KLHDC10: variants seen among roughly 807,000 people sequenced by gnomAD.
KLHDC10 encodes kelch domain-containing protein 10.
In KLHDC10, 24 loss-of-function variants were observed where a neutral mutation model predicts 56.1. The ratio of observed to expected loss-of-function variants is 0.43; its 90% CI spans 0.31 to 0.60. KLHDC10 has a LOEUF of 0.60. Among genes scored for constraint, KLHDC10 ranks in the 20% least tolerant of loss-of-function variants. The pLI, the probability that KLHDC10 is intolerant of heterozygous loss-of-function variation, is 0.11. For missense variants in KLHDC10, 349 were observed against 567.0 expected (o/e 0.62, Z 3.91); for synonymous variants, 188 against 207.1 (o/e 0.91, Z 0.79).
At chr7:130,125,972 G>A (rs1440668588) in intron 7 of KLHDC10, 41 bp downstream of exon 7, 26 of 1,351,374 alleles carry the variant, frequency 1.9e-5, no homozygotes, top group Non-Finnish European at 2.4e-5. Flanking sequence ...TAACAAACAT[G>A]TATTATACTT....
In KLHDC10 at chr7:130,073,897, C is replaced by T. The variant is rs79683793; in HGVS notation, c.166+3088C>T. Among the ~76,000 whole-genome samples the T allele has an allele frequency of 1.1e-4, 16 of 152,242 alleles. No individual in the cohort carries two copies. In the East Asian group the frequency reaches 2.9e-3, roughly 28 times the overall value. On this transcript the variant is annotated intron_variant, in intron 1 of 9. Transcript: ENST00000335420. ...CCATAACTCCAATCCACGGTGCCAC[C>T]ATCCCTCACTTAGGTCTCCTGCAGG...
rs1796383511 is a variant in KLHDC10, at chr7:130,130,345, T to TAA, written c.1120-191_1120-190insAA. 1.3e-5 allele frequency among the ~76,000 whole-genome samples: 2 copies of TAA among 148,666 alleles called. No individual in the cohort carries two copies. Among genetic ancestry groups the TAA allele is most frequent in the African/African-American group, 5.0e-5 (2 of 40,296 alleles). Reference sequence around the variant, plus strand: ...TCAAAAAAAAAAAAAATCATATATATATATATATAGTTTTTCCCTTAGTAA... The same window carrying TAA: ...TCAAAAAAAAAAAAAATCATATATATAAATATATATAGTTTTTCCCTTAGTAA... On this transcript the variant is annotated intron_variant, in intron 9 of 9. Transcript: ENST00000335420. The surrounding 1 kb of genome is among the most constrained non-coding windows in gnomAD (Gnocchi z 4.2).
intron 2 of KLHDC10, among the ~76,000 whole-genome samples, chr7:130,107,285 C>T (rs1490300702): frequency 1.3e-5 from 2 of 152,094 alleles, no homozygotes; most frequent in African/African-American, 4.8e-5. Flanking sequence ...AAGAAGTACA[C>T]ATATTGGAAA....
chr7:130,115,998 C>T (rs1334897217), intron 2 of KLHDC10, among the ~76,000 whole-genome samples: 1 of 152,064 alleles, frequency 6.6e-6, no homozygotes, highest in Non-Finnish European at 1.5e-5. Flanking sequence ...TTATACATGA[C>T]TCATTCATAT....
intron 2 of KLHDC10, among the ~76,000 whole-genome samples, chr7:130,101,639 G>C (rs1457731392): frequency 6.6e-6 from 1 of 152,094 alleles, no homozygotes; most frequent in Non-Finnish European, 1.5e-5. Flanking sequence ...GATTTGCCTT[G>C]GGGAGGATTG....
chr7:130,109,798 G>A (rs1034806477), intron 2 of KLHDC10, among the ~76,000 whole-genome samples: 28 of 151,762 alleles, frequency 1.8e-4, no homozygotes, highest in South Asian at 2.1e-4. Flanking sequence ...ACCACCACGC[G>A]TGGCTAATTT....
chr7:130,100,928 T>C (rs1795920410), intron 2 of KLHDC10, among the ~76,000 whole-genome samples: 1 of 152,000 alleles, frequency 6.6e-6, no homozygotes, highest in Non-Finnish European at 1.5e-5. Context: ...ACCCATTTAC[T>C]TTTCCCTACT....
intron 1 of KLHDC10, among the ~76,000 whole-genome samples, chr7:130,089,236 G>A (rs1418978553): frequency 6.6e-6 from 1 of 152,136 alleles, no homozygotes; most frequent in Non-Finnish European, 1.5e-5. Context: ...GCTCATGTCT[G>A]TAATCTCAGG....
chr7:130,105,645 TA>T (rs1347941752), intron 2 of KLHDC10, among the ~76,000 whole-genome samples: 1 of 152,176 alleles, frequency 6.6e-6, no homozygotes, highest in Non-Finnish European at 1.5e-5. Context: ...ATGATTGCCC[TA>T]AAAATCAGGA....
rs1290045976 is a variant in KLHDC10 at position 130,120,393 on chromosome 7, A to G, written c.476-356A>G. ...TCTGCAGAACTTTGTAGTATAGGCT[A>G]TGTATCCCTTATCTGAAATGCTTGG... On this transcript the variant is annotated intron_variant, in intron 3 of 9. Transcript: ENST00000335420. This position sits in a 1 kb window ranked among gnomAD's most constrained non-coding sequence, Gnocchi z 5.1. Among the ~76,000 whole-genome samples the G allele has an allele frequency of 6.6e-6, 1 of 152,208 alleles. No individual in the cohort carries two copies. Among genetic ancestry groups the G allele is most frequent in the East Asian group, 1.9e-4 (1 of 5,200 alleles).
chr7:130,128,427 T>A (rs1325453464), intron 8 of KLHDC10, among the ~76,000 whole-genome samples: 2 of 152,204 alleles, frequency 1.3e-5, no homozygotes, highest in African/African-American at 4.8e-5. Flanking sequence ...TTACAAGTTA[T>A]CTAATTAGTT....
At chr7:130,074,093 C>T (rs142051774) in intron 1 of KLHDC10, among the ~76,000 whole-genome samples, 72 of 152,290 alleles carry the variant, frequency 4.7e-4, no homozygotes, top group African/African-American at 1.7e-3. Context: ...CGTCTGACTC[C>T]TCTCTAACTC....
Position 130,116,354 on chromosome 7 carries a change from C to A in KLHDC10, c.254-91C>A, listed in dbSNP as rs919125148. On this transcript the variant is annotated intron_variant, in intron 2 of 9. Coordinates refer to ENST00000335420, the MANE Select transcript of KLHDC10 (RefSeq NM_014997.4). The surrounding 1 kb of genome is among the most constrained non-coding windows in gnomAD (Gnocchi z 4.8). ...TCCATGTTATAAATCCTTCCTGGTC[C>A]CCTTTTATGGCTAAAATGGTTGTTA... is the stretch of plus-strand genomic sequence containing the variant. 1 of 846,186 alleles carries A rather than the reference C, an allele frequency of 1.2e-6. No individual in the cohort carries two copies. Among genetic ancestry groups the A allele is most frequent in the Non-Finnish European group, 1.9e-6 (1 of 518,880 alleles). 52.4% of individuals were successfully genotyped at this position (846,186 alleles called of 1,614,324 possible).
chr7:130,118,433 TG>T (rs1796200371), intron 3 of KLHDC10, among the ~76,000 whole-genome samples: 1 of 152,222 alleles, frequency 6.6e-6, no homozygotes, highest in Admixed American at 6.5e-5. Flanking sequence ...AATTAGGCTT[TG>T]GCCTAAAGGG....
chr7:130,114,245 A>C (rs533894798), intron 2 of KLHDC10, among the ~76,000 whole-genome samples: 1 of 152,298 alleles, frequency 6.6e-6, no homozygotes, highest in East Asian at 1.9e-4. Context: ...AAACTGACAA[A>C]ATGCATAGAA....
At chr7:130,128,892 AT>A (rs1368857646) in intron 8 of KLHDC10, among the ~76,000 whole-genome samples, 6,019 of 58,478 alleles carry the variant, frequency 0.1, 251 homozygotes, top group East Asian at 0.33. Context: ...AAAAAAAAAT[AT>A]ATATATATAT....
chr7:130,103,386 C>T (rs1489568959), intron 2 of KLHDC10, among the ~76,000 whole-genome samples: 1 of 147,184 alleles, frequency 6.8e-6, no homozygotes, highest in Non-Finnish European at 1.5e-5. Context: ...GATCATGTCA[C>T]TGCACTCCAG....
intron 2 of KLHDC10, among the ~76,000 whole-genome samples, chr7:130,102,478 AGAATG>A (rs1563101405): frequency 6.6e-6 from 1 of 152,218 alleles, no homozygotes; most frequent in African/African-American, 2.4e-5. Context: ...TTCTAATCAC[AGAATG>A]TATCTTTACA....
At chr7:130,095,453 A>G (rs1795835764) in intron 1 of KLHDC10, among the ~76,000 whole-genome samples, 1 of 152,092 alleles carries the variant, frequency 6.6e-6, no homozygotes, top group Non-Finnish European at 1.5e-5. Context: ...TATTTTTCTC[A>G]TTTTATGTTG....
Sources: allele counts gnomAD v4.1 joint callset (sites outside exome capture counted in the v4.1 genomes callset), GRCh38; gene constraint gnomAD v4.1.1; non-coding constraint Gnocchi (gnomAD v3.1); transcripts MANE v1.5; gene names NCBI Gene and HGNC (gene_info 2026-07-23, HGNC 2026-07-21).